PCDHAC1: variants seen among roughly 807,000 people sequenced by gnomAD.
The protein encoded by PCDHAC1 is protocadherin alpha-C1.
PCDHAC1 carries 42 observed loss-of-function variants against 60.0 expected under a neutral mutation model. The observed-to-expected ratio is 0.70, with a 90% CI of 0.55 to 0.90. The LOEUF is 0.90. Among genes scored for constraint, PCDHAC1 ranks in the 40% least tolerant of loss-of-function variants. The probability of loss-of-function intolerance (pLI) is 0.00; values close to 1 mark genes in which losing one functional copy is unlikely to be tolerated. For synonymous variants in PCDHAC1, 468 were observed against 499.3 expected (o/e 0.94, Z 0.84); for missense variants, 1,160 against 1,222.3 (o/e 0.95, Z 0.76).
Position 140,928,293 on chromosome 5 carries a change from G to A in PCDHAC1, c.1401G>A (p.Val467=), listed in dbSNP as rs782241081. The change falls in exon 1 of 4, where the codon GTG becomes GTA. Residue 467 remains valine, a synonymous_variant. Coordinates refer to ENST00000253807, the MANE Select transcript of PCDHAC1 (RefSeq NM_018898.5). ...GCCCTGGGGCCTCTCTAGGCCGAGT[G>A]TTTGCCCAGGACCCCGACCTGGGGA... ...NNGPGASLGR[V]FAQDPDLGKN... 1 of 1,614,150 alleles carries A rather than the reference G, an allele frequency of 6.2e-7. No individual in the cohort carries two copies. The highest frequency in any genetic ancestry group is 1.1e-5 in the South Asian group (1 of 91,086).
chr5:140,939,215 G>C (rs1251785254), intron 1 of PCDHAC1, among the ~76,000 whole-genome samples: 1 of 152,154 alleles, frequency 6.6e-6, no homozygotes, highest in African/African-American at 2.4e-5. Context: ...CCTTCTTGCT[G>C]TCTCTTCACC....
chr5:140,971,451 T>C (rs1442240847), intron 1 of PCDHAC1, among the ~76,000 whole-genome samples: 2 of 152,110 alleles, frequency 1.3e-5, no homozygotes, highest in East Asian at 1.9e-4. Flanking sequence ...GCTCCAGAAA[T>C]TTTTGCAGTT....
At chr5:140,989,007 A>C (rs1356295875) in intron 3 of PCDHAC1, 1 of 152,216 alleles carries the variant, frequency 6.6e-6, no homozygotes, top group Non-Finnish European at 1.5e-5. Flanking sequence ...ATAGAGACTT[A>C]TTATAGTTTC....
At chr5:141,001,723 A>G (rs936645287) in intron 3 of PCDHAC1, among the ~76,000 whole-genome samples, 22 of 152,286 alleles carry the variant, frequency 1.4e-4, no homozygotes, top group African/African-American at 4.8e-4. Context: ...GGAGCTTGAG[A>G]TATTTTACAA....
chr5:140,988,512 T>TCC (rs2097301181), intron 3 of PCDHAC1, among the ~76,000 whole-genome samples: 1 of 152,218 alleles, frequency 6.6e-6, no homozygotes, highest in Non-Finnish European at 1.5e-5. Flanking sequence ...TGAAGCTTAC[T>TCC]TAAGTCTCTG....
At chr5:140,964,367 T>C (rs1269937571) in intron 1 of PCDHAC1, among the ~76,000 whole-genome samples, 1 of 152,178 alleles carries the variant, frequency 6.6e-6, no homozygotes, top group Non-Finnish European at 1.5e-5. Context: ...ACAAGAGTGC[T>C]GAAAGGAGAG....
chr5:141,001,229 A>G (rs1055246744), intron 3 of PCDHAC1, among the ~76,000 whole-genome samples: 41 of 152,314 alleles, frequency 2.7e-4, no homozygotes, highest in African/African-American at 9.1e-4. Flanking sequence ...AGTTACATTT[A>G]ATCTATAAAT....
chr5:140,963,221 T>C (rs2095749324), intron 1 of PCDHAC1, among the ~76,000 whole-genome samples: 1 of 151,808 alleles, frequency 6.6e-6, no homozygotes, highest in Admixed American at 6.6e-5. Context: ...GTGTTTAGAG[T>C]AGACACTGTT....
At chr5:140,942,109 A>G (rs534603504) in intron 1 of PCDHAC1, among the ~76,000 whole-genome samples, 55 of 152,334 alleles carry the variant, frequency 3.6e-4, no homozygotes, top group African/African-American at 1.3e-3. Flanking sequence ...CATATAATCA[A>G]ACTTTATTAA....
chr5:140,994,102 A>G (rs2097596379), intron 3 of PCDHAC1, among the ~76,000 whole-genome samples: 1 of 152,194 alleles, frequency 6.6e-6, no homozygotes, highest in African/African-American at 2.4e-5. Context: ...TGATGGAAAT[A>G]TTACATTGTC....
intron 1 of PCDHAC1, among the ~76,000 whole-genome samples, chr5:140,945,003 C>A (rs2093723763): frequency 6.6e-6 from 1 of 152,064 alleles, no homozygotes; most frequent in South Asian, 2.1e-4. Flanking sequence ...GGTTGTGGGT[C>A]ATGAATTATT....
intron 3 of PCDHAC1, among the ~76,000 whole-genome samples, chr5:140,983,911 G>A (rs546792762): frequency 6.6e-6 from 1 of 152,290 alleles, no homozygotes; most frequent in East Asian, 1.9e-4. Flanking sequence ...ATTCTAATCA[G>A]CCAGGATTTG....
chr5:140,929,307 C>T lies in PCDHAC1; in HGVS notation c.2415C>T (p.His805=), dbSNP rs149565434. ...CIQIRNRKGD[H]ANVNAMPRQP... is the part of the protein sequence containing the mutation. ...AGATTCGGAATAGGAAAGGGGATCA[C>T]GCTAATGTCAATGCCATGGTAAGCA... is the stretch of plus-strand genomic sequence containing the variant. The change falls in exon 1 of 4, where the codon CAC becomes CAT. Residue 805 remains histidine, a synonymous_variant. Coordinates refer to ENST00000253807, the MANE Select transcript of PCDHAC1 (RefSeq NM_018898.5). 6.4e-6 allele frequency: 10 copies of T among 1,570,046 alleles called. No homozygotes were observed. Among genetic ancestry groups the T allele is most frequent in the Admixed American group, 1.8e-5 (1 of 55,330 alleles).
intron 1 of PCDHAC1, among the ~76,000 whole-genome samples, chr5:140,930,783 A>G (rs1211509868): frequency 6.6e-6 from 1 of 152,246 alleles, no homozygotes; most frequent in Non-Finnish European, 1.5e-5. Context: ...TATTTTCACA[A>G]TATAATAGAA....
intron 3 of PCDHAC1, among the ~76,000 whole-genome samples, chr5:141,002,613 A>G (rs1587992392): frequency 1.3e-5 from 2 of 152,206 alleles, no homozygotes; most frequent in African/African-American, 4.8e-5. Context: ...AAACAGACAC[A>G]TAACACAGAC....
chr5:140,937,595 C>A (rs940943581), intron 1 of PCDHAC1, among the ~76,000 whole-genome samples: 1 of 150,652 alleles, frequency 6.6e-6, no homozygotes, highest in South Asian at 2.1e-4. Flanking sequence ...CTAGCCTGGG[C>A]AACAGAGTGA....
intron 1 of PCDHAC1, among the ~76,000 whole-genome samples, chr5:140,953,480 T>C (rs782804804): frequency 2.6e-5 from 4 of 152,194 alleles, no homozygotes; most frequent in Non-Finnish European, 5.9e-5. Flanking sequence ...CCTCATGCTG[T>C]GTCACAACCT....
chr5:141,003,589 A>G (rs781995684), intron 3 of PCDHAC1, among the ~76,000 whole-genome samples: 9 of 152,170 alleles, frequency 5.9e-5, no homozygotes, highest in Non-Finnish European at 1.3e-4. Context: ...CTGGGATTTT[A>G]GATGTGAGCC....
At chr5:140,959,230 A>C (rs776449475) in intron 1 of PCDHAC1, among the ~76,000 whole-genome samples, 13 of 152,092 alleles carry the variant, frequency 8.5e-5, no homozygotes, top group Non-Finnish European at 1.0e-4. Context: ...TACAAAAATT[A>C]TCTGGGCATG....
Sources: gnomAD v4.1 joint callset for allele counts (sites outside exome capture counted in the v4.1 genomes callset) on GRCh38, gnomAD v4.1.1 for gene constraint, MANE v1.5 for transcripts, NCBI Gene and HGNC (gene_info 2026-07-23, HGNC 2026-07-21) for gene names.